The following PTPRR variants were observed in gnomAD, a reference collection of about 807,000 sequenced individuals.
PTPRR encodes protein tyrosine phosphatase receptor type R.
Under a neutral mutation model 77.2 loss-of-function variants are expected in PTPRR, and 38 were observed. The observed-to-expected ratio is 0.49, with a 90% confidence interval of 0.38 to 0.65. The LOEUF (loss-of-function observed/expected upper bound fraction) is 0.65, where lower values mean the gene tolerates loss of function less well. Among genes scored for constraint, PTPRR ranks in the 30% least tolerant of loss-of-function variants. The pLI is 0.00. For missense variants in PTPRR, 744 were observed against 799.2 expected (o/e 0.93, Z 0.83); for synonymous variants, 299 against 283.1 (o/e 1.06, Z -0.57).
intron 13 of PTPRR, among the ~76,000 whole-genome samples, chr12:70,643,862 T>C (rs1648602728): frequency 6.6e-6 from 1 of 151,914 alleles, no homozygotes; most frequent in African/African-American, 2.4e-5. Flanking sequence ...CCAGGTCAAC[T>C]GATCTCCTTA....
At chr12:70,692,186 T>C (rs1380814246) in intron 8 of PTPRR, among the ~76,000 whole-genome samples, 1 of 152,190 alleles carries the variant, frequency 6.6e-6, no homozygotes, top group Non-Finnish European at 1.5e-5. Context: ...CAAGAAGGTA[T>C]TGTATATAAT....
intron 8 of PTPRR, 110 bp downstream of exon 8, chr12:70,698,155 T>C: frequency 1.2e-6 from 1 of 800,950 alleles, no homozygotes; most frequent in Non-Finnish European, 2.1e-6. Context: ...GCCATTGTGG[T>C]TTGCTTTTGC....
chr12:70,886,877 C>T (rs888147993), intron 2 of PTPRR, among the ~76,000 whole-genome samples: 1 of 152,062 alleles, frequency 6.6e-6, no homozygotes, highest in Non-Finnish European at 1.5e-5. Flanking sequence ...ATAAAAAAAT[C>T]TCAACATTGT....
chr12:70,661,661 C>T (rs1028911936), intron 11 of PTPRR, among the ~76,000 whole-genome samples: 7 of 152,168 alleles, frequency 4.6e-5, no homozygotes, highest in Admixed American at 2.0e-4. Flanking sequence ...AAACCCAGCA[C>T]GGGTGAGGGT....
At chr12:70,778,909 G>A (rs576033011) in intron 2 of PTPRR, among the ~76,000 whole-genome samples, 2 of 152,248 alleles carry the variant, frequency 1.3e-5, no homozygotes, top group African/African-American at 2.4e-5. Context: ...GCAGTGGCAC[G>A]ATCTCAGCTC....
chr12:70,844,722 T>C (rs967105640), intron 2 of PTPRR, among the ~76,000 whole-genome samples: 7 of 152,174 alleles, frequency 4.6e-5, no homozygotes, highest in Non-Finnish European at 1.0e-4. Context: ...AGGTTCATCA[T>C]TTACAAAATT....
chr12:70,855,967 T>C (rs10784871), intron 2 of PTPRR, among the ~76,000 whole-genome samples: 78,280 of 151,918 alleles, frequency 0.52, 20,498 homozygotes, highest in East Asian at 0.61. Flanking sequence ...CTTTAGTAAA[T>C]AGAAGAAAAT....
chr12:70,908,445 T>C (rs1418718991), intron 1 of PTPRR, among the ~76,000 whole-genome samples: 1 of 151,954 alleles, frequency 6.6e-6, no homozygotes, highest in East Asian at 1.9e-4. Context: ...AGCAAACACA[T>C]CCCTCTTCAC....
intron 6 of PTPRR, among the ~76,000 whole-genome samples, chr12:70,726,906 T>C (rs569292812): frequency 6.6e-6 from 1 of 152,288 alleles, no homozygotes; most frequent in East Asian, 1.9e-4. Flanking sequence ...CATTTCTTCC[T>C]ACTTATTCCC....
Position 70,745,873 on chromosome 12 carries a change from C to T in PTPRR, c.952G>A (p.Ala318Thr), listed in dbSNP as rs147730338. 1.1e-4 allele frequency: 181 copies of T among 1,614,010 alleles called. 2 individuals carry two copies. The highest frequency in any genetic ancestry group is 5.7e-4 in the South Asian group (52 of 91,076). Reference sequence around the variant, plus strand: ...AAAGGAGAAGGGCAAACAGAGGTAGCGGTGGTAGCTTTGATCTCAGGAGCA... The same window carrying T: ...AAAGGAGAAGGGCAAACAGAGGTAGTGGTGGTAGCTTTGATCTCAGGAGCA... ...RGAPEIKATT[A>T]TSVCPSPFKM... The change falls in exon 6 of 14, where the codon GCT becomes ACT. Residue 318 changes from alanine (A) to threonine (T), a missense_variant. Physicochemically the swap from Ala to Thr is moderately conservative, Grantham distance 58 (BLOSUM62 0). Coordinates refer to ENST00000283228, the MANE Select transcript of PTPRR (RefSeq NM_002849.4).
chr12:70,699,366 G>C (rs942566830), intron 7 of PTPRR, among the ~76,000 whole-genome samples: 3 of 152,158 alleles, frequency 2.0e-5, no homozygotes, highest in African/African-American at 7.2e-5. Context: ...CTAGTTTTCA[G>C]TCATTCTGAA....
intron 6 of PTPRR, among the ~76,000 whole-genome samples, chr12:70,733,250 A>G (rs982934055): frequency 1.3e-5 from 2 of 152,134 alleles, no homozygotes; most frequent in Non-Finnish European, 2.9e-5. Context: ...ATTGGATGCC[A>G]AGCATTGTTA....
intron 5 of PTPRR, among the ~76,000 whole-genome samples, chr12:70,750,142 G>A (rs910101289): frequency 6.6e-6 from 1 of 152,048 alleles, no homozygotes; most frequent in African/African-American, 2.4e-5. Context: ...CTAATTTTAT[G>A]CCTGGCAACA....
chr12:70,692,300 C>T (rs1189460751), intron 8 of PTPRR, among the ~76,000 whole-genome samples: 1 of 152,114 alleles, frequency 6.6e-6, no homozygotes, highest in African/African-American at 2.4e-5. Flanking sequence ...CAGCCCTGAT[C>T]AATAGAATTT....
Position 70,811,608 on chromosome 12 carries a change from G to A in PTPRR, c.358-46830C>T, listed in dbSNP as rs951852096. ...TCCAGGCCACTTTCATTGTATATTC[G>A]CAGGTATCTGAAGCAAATGTAGGTT... On this transcript the variant is annotated intron_variant, in intron 2 of 13. Coordinates refer to ENST00000283228, the MANE Select transcript of PTPRR (RefSeq NM_002849.4). 3.9e-5 allele frequency among the ~76,000 whole-genome samples: 6 copies of A among 152,168 alleles called. No individual in the cohort carries two copies. The East Asian group carries it at 5.8e-4, about 15-fold the overall frequency.
intron 1 of PTPRR, among the ~76,000 whole-genome samples, chr12:70,906,369 A>G (rs141560242): frequency 1.2e-3 from 179 of 152,174 alleles, no homozygotes; most frequent in Non-Finnish European, 2.2e-3. Flanking sequence ...CATAAATAGT[A>G]TAAAAGACAC....
intron 2 of PTPRR, among the ~76,000 whole-genome samples, chr12:70,862,906 A>G (rs1268680255): frequency 1.3e-5 from 2 of 152,308 alleles, no homozygotes; most frequent in East Asian, 1.9e-4. Flanking sequence ...CTTATGTTTT[A>G]TAATAGCCTC....
chr12:70,814,353 G>A (rs1891862913), intron 2 of PTPRR, among the ~76,000 whole-genome samples: 1 of 152,078 alleles, frequency 6.6e-6, no homozygotes, highest in South Asian at 2.1e-4. Flanking sequence ...TGGTCACCTT[G>A]GGCGATTTTG....
At chr12:70,764,562 G>C (rs1394656843) in intron 3 of PTPRR, 103 bp downstream of exon 3, 3 of 892,410 alleles carry the variant, frequency 3.4e-6, no homozygotes, top group African/African-American at 3.3e-5. Context: ...TGACGTGCCG[G>C]ATTTGGCTCA....
Sources: gnomAD v4.1 joint callset for allele counts (sites outside exome capture counted in the v4.1 genomes callset) on GRCh38, gnomAD v4.1.1 for gene constraint, MANE v1.5 for transcripts, NCBI Gene and HGNC (gene_info 2026-07-23, HGNC 2026-07-21) for gene names.